PUM1: variants seen among roughly 807,000 people sequenced by gnomAD.
PUM1 encodes pumilio RNA binding family member 1, also known as pumilio homolog 1.
A neutral mutation model predicts 131.8 loss-of-function variants in PUM1; 13 were observed. That is an observed-to-expected ratio of 0.10 (90% CI 0.06 to 0.16). The LOEUF (loss-of-function observed/expected upper bound fraction) is 0.16, where lower values mean the gene tolerates loss of function less well. PUM1 is among the 10% of genes least tolerant of loss of function. PUM1 has a pLI of 1.00. For missense variants in PUM1, 961 were observed against 1,512.4 expected, an observed-to-expected ratio of 0.64 and a Z score of 6.05; for synonymous variants, 509 against 556.5, an observed-to-expected ratio of 0.91 and a Z score of 1.20.
chr1:31,019,783 T>C (rs1024829329), intron 3 of PUM1, among the ~76,000 whole-genome samples: 3 of 152,210 alleles, frequency 2.0e-5, no homozygotes, highest in Non-Finnish European at 4.4e-5. Flanking sequence ...GATAAAATGA[T>C]GAAATTCCCA....
At chr1:31,010,333 C>G (rs1259466955) in intron 3 of PUM1, among the ~76,000 whole-genome samples, 1 of 152,172 alleles carries the variant, frequency 6.6e-6, no homozygotes, top group African/African-American at 2.4e-5. Flanking sequence ...ATCCCCTTCC[C>G]CTGACTGTGG....
intron 10 of PUM1, among the ~76,000 whole-genome samples, chr1:30,972,632 G>A (rs1038042680): frequency 1.3e-5 from 2 of 150,332 alleles, no homozygotes; most frequent in African/African-American, 4.9e-5. Context: ...AAATTAGCCA[G>A]GTGTGGCGGC....
At chr1:31,020,956 C>T (rs980426073) in intron 3 of PUM1, among the ~76,000 whole-genome samples, 2 of 152,092 alleles carry the variant, frequency 1.3e-5, no homozygotes, top group Non-Finnish European at 2.9e-5. Context: ...TAGTTTAATA[C>T]CAGCTTGAGA....
At chr1:31,008,181 C>T (rs1353986322) in intron 3 of PUM1, among the ~76,000 whole-genome samples, 1 of 152,064 alleles carries the variant, frequency 6.6e-6, no homozygotes. Context: ...AACCCATAAC[C>T]CAATGATAAT....
At chr1:31,006,853 C>A (rs1642416302) in intron 4 of PUM1, 141 bp downstream of exon 4, 1 of 628,176 alleles carries the variant, frequency 1.6e-6, no homozygotes, top group South Asian at 2.1e-5. Context: ...ATATAAGCTC[C>A]TTAATGGCAA....
intron 3 of PUM1, among the ~76,000 whole-genome samples, chr1:31,021,072 A>AGTAC (rs1643002613): frequency 6.6e-6 from 1 of 152,232 alleles, no homozygotes; most frequent in Admixed American, 6.5e-5. Context: ...GCCCAGAGAA[A>AGTAC]GTACCATCGA....
intron 3 of PUM1, among the ~76,000 whole-genome samples, chr1:31,025,956 T>C (rs971379557): frequency 1.8e-4 from 28 of 152,192 alleles, no homozygotes; most frequent in Non-Finnish European, 3.8e-4. Context: ...TTTTTTATTA[T>C]AAAAGCTTAT....
intron 17 of PUM1, 131 bp from the exon 18 acceptor site, chr1:30,945,614 T>A: frequency 1.1e-6 from 1 of 945,168 alleles, no homozygotes; most frequent in Non-Finnish European, 1.6e-6. Context: ...ATAGCAGCTG[T>A]GGAACAATGA....
intron 2 of PUM1, among the ~76,000 whole-genome samples, chr1:31,040,384 T>A (rs1445609923): frequency 6.6e-6 from 1 of 151,850 alleles, no homozygotes; most frequent in African/African-American, 2.4e-5. Flanking sequence ...AGTAAAGGAG[T>A]ACATTTATCA....
chr1:30,980,529 A>T (rs997416495), intron 8 of PUM1, among the ~76,000 whole-genome samples: 2 of 152,232 alleles, frequency 1.3e-5, no homozygotes, highest in African/African-American at 4.8e-5. Context: ...ACAATTTTCC[A>T]AACAGTTTTC....
intron 3 of PUM1, among the ~76,000 whole-genome samples, chr1:31,019,767 T>G (rs1642954167): frequency 6.6e-6 from 1 of 152,218 alleles, no homozygotes; most frequent in Non-Finnish European, 1.5e-5. Context: ...GACAGTAAAG[T>G]ATGTTGATAA....
Position 30,950,199 on chromosome 1 carries a change from C to T in PUM1, c.2784G>A (p.Leu928=), listed in dbSNP as rs768152819. The change falls in exon 17 of 22, where the codon TTG becomes TTA. Residue 928 remains leucine (L), a synonymous_variant. Coordinates refer to ENST00000426105, the MANE Select transcript of PUM1 (RefSeq NM_001020658.2). ...AERIRGHVLS[L]ALQMYGCRVI... ...CACGGCAGCCATACATCTGTAGTGC[C>T]AATGACAGGACGTGGCCTCGAATCC... The T allele has an allele frequency of 5.0e-6, 8 of 1,614,096 alleles. No individual in the cohort carries two copies. In the East Asian group the frequency reaches 1.8e-4, roughly 36 times the overall value.
intron 20 of PUM1, among the ~76,000 whole-genome samples, chr1:30,938,410 G>A (rs1412151327): frequency 1.3e-5 from 2 of 152,092 alleles, no homozygotes; most frequent in East Asian, 1.9e-4. Context: ...GTGCCACCAC[G>A]CCCAGCTAAT....
chr1:30,981,344 T>C lies in PUM1; in HGVS notation c.1220A>G (p.Tyr407Cys). The stretch of plus-strand genomic sequence containing the variant: ...CGGCTGATGAGCAGCTGCCAGTGCA[T>C]ACTGCTGCTGCTGAGCAGCTGTCAA... ...QQLTAAQQQQ[Y>C]ALAAAHQPHI... Residue 407 changes from tyrosine to cysteine, a missense_variant, in exon 8 of 22, where the codon TAT (tyrosine) becomes TGT (cysteine). Physicochemically the swap from Tyr to Cys is radical, Grantham distance 194. Around this residue, in one of 4 missense-constraint regions of PUM1, gnomAD observed 654 missense variants for 923.9 expected, o/e 0.71. Transcript: ENST00000426105. 1.9e-6 allele frequency: 3 copies of C among 1,603,310 alleles called. No individual in the cohort carries two copies. The highest frequency in any genetic ancestry group is 1.1e-5 in the South Asian group (1 of 88,756).
intron 7 of PUM1, among the ~76,000 whole-genome samples, chr1:30,982,454 A>G (rs1367481920): frequency 6.6e-6 from 1 of 152,226 alleles, no homozygotes; most frequent in Non-Finnish European, 1.5e-5. Context: ...CCTTCCAAGG[A>G]GTCATACTGA....
intron 2 of PUM1, among the ~76,000 whole-genome samples, chr1:31,041,949 G>C (rs1452722146): frequency 6.6e-6 from 1 of 151,952 alleles, no homozygotes; most frequent in African/African-American, 2.4e-5. Context: ...AACACTTCCA[G>C]GACAAAGCAT....
intron 20 of PUM1, among the ~76,000 whole-genome samples, chr1:30,940,611 A>G (rs1359916646): frequency 2.0e-5 from 3 of 152,234 alleles, no homozygotes; most frequent in African/African-American, 7.2e-5. Context: ...CATATACAGT[A>G]TCTTCTCAGA....
chr1:31,017,602 T>A (rs971342030), intron 3 of PUM1, among the ~76,000 whole-genome samples: 1 of 152,092 alleles, frequency 6.6e-6, no homozygotes. Flanking sequence ...TCTTCCAATG[T>A]GGTCCAGGGA....
rs748037272 is a variant in PUM1 at position 30,941,147 on chromosome 1, G to A, written c.3242+4C>T. The A allele has an allele frequency of 6.8e-6, 11 of 1,612,160 alleles. No homozygotes were observed. Among genetic ancestry groups the A allele is most frequent in the South Asian group, 4.4e-5 (4 of 90,850 alleles). ...AAATAGTCCTTGTAACTCAAAGCACGTACCTTGCAAATTTGTGCTGACTCA... is the reference window on the plus strand; with the variant it reads ...AAATAGTCCTTGTAACTCAAAGCACATACCTTGCAAATTTGTGCTGACTCA... On this transcript the variant is annotated splice_donor_region_variant and intron_variant, in intron 20 of 21. Transcript: ENST00000426105.
Sources: allele counts gnomAD v4.1 joint callset (sites outside exome capture counted in the v4.1 genomes callset), GRCh38; gene constraint gnomAD v4.1.1; regional missense constraint gnomAD v4.1.1; transcripts MANE v1.5; gene names NCBI Gene and HGNC (gene_info 2026-07-23, HGNC 2026-07-21).